The following MYO9A variants were observed in gnomAD, a reference collection of about 807,000 sequenced individuals.
The protein encoded by MYO9A is myosin IXA.
A neutral mutation model predicts 293.3 loss-of-function variants in MYO9A; 103 were observed. That is an observed-to-expected ratio of 0.35 (90% CI 0.30 to 0.41). MYO9A has a LOEUF of 0.41. Among genes scored for constraint, MYO9A ranks in the 10% least tolerant of loss-of-function variants. The pLI, the probability that MYO9A is intolerant of heterozygous loss-of-function variation, is 1.00. For missense variants in MYO9A, 2,685 were observed against 3,033.0 expected (o/e 0.89, Z 2.69); for synonymous variants, 1,001 against 1,035.7 (o/e 0.97, Z 0.64).
intron 32 of MYO9A, among the ~76,000 whole-genome samples, chr15:71,863,197 G>A (rs996959186): frequency 2.6e-5 from 4 of 151,824 alleles, no homozygotes; most frequent in Non-Finnish European, 4.4e-5. Flanking sequence ...GACTCCCAAA[G>A]TGCTGGGATT....
chr15:72,082,249 G>A (rs1216827616), intron 1 of MYO9A, among the ~76,000 whole-genome samples: 1 of 151,990 alleles, frequency 6.6e-6, no homozygotes, highest in African/African-American at 2.4e-5. Context: ...CCCCTCCCTG[G>A]TTAGCTGTAT....
At chr15:71,850,760 T>G in intron 37 of MYO9A, among the ~76,000 whole-genome samples, 2 of 70,712 alleles carry the variant, frequency 2.8e-5, no homozygotes, top group Admixed American at 2.1e-4. Flanking sequence ...ACTGAAACTG[T>G]GTCTCAAAAA....
Position 72,046,613 on chromosome 15 carries a change from A to T in MYO9A, c.-50T>A, listed in dbSNP as rs948658047. 6 of 1,463,468 alleles carry T rather than the reference A, an allele frequency of 4.1e-6. No individual in the cohort carries two copies. 90.7% of individuals were successfully genotyped at this position (1,463,468 alleles called of 1,614,324 possible). A position where few individuals can be genotyped will look rare whatever the true frequency, so the allele number is the denominator to read the frequency against. ...GATAGTATATGTTCAAAGTCGTGCA[A>T]ACCATTTTCTTGGTAAAATAACTGT... On this transcript the variant is annotated 5_prime_UTR_variant, in exon 2 of 42. The change creates a new upstream start codon in the 5' untranslated region. Coordinates refer to ENST00000356056, the MANE Select transcript of MYO9A (RefSeq NM_006901.4).
chr15:72,060,175 T>G (rs1335253720), intron 1 of MYO9A, among the ~76,000 whole-genome samples: 1 of 152,144 alleles, frequency 6.6e-6, no homozygotes, highest in African/African-American at 2.4e-5. Context: ...ATTTATTTAT[T>G]TATTACTAGA....
chr15:72,024,423 G>A (rs762050132), intron 4 of MYO9A, among the ~76,000 whole-genome samples: 1 of 152,092 alleles, frequency 6.6e-6, no homozygotes, highest in Non-Finnish European at 1.5e-5. Context: ...TGGGACTACA[G>A]GCGTGCATCA....
chr15:71,994,521 A>G lies in MYO9A; in HGVS notation c.1535T>C (p.Phe512Ser). 6.2e-7 allele frequency: 1 copy of G among 1,612,104 alleles called. No homozygotes were observed. ...LYSALFDWIV[F>S]RINHALLNSK... ...ATTCAGAAGTGCATGATTAATTCGA[A>G]AAACTATCCAGTCAAACAGGGCACT... is the stretch of plus-strand genomic sequence containing the variant. The change falls in exon 10 of 42, where the codon TTT becomes TCT. Residue 512 changes from phenylalanine (F) to serine (S), a missense_variant. This residue lies in a region of MYO9A where 289 missense variants were observed against 456.8 expected (regional missense o/e 0.63). Transcript: ENST00000356056.
At chr15:71,968,621 T>C (rs960868201) in intron 12 of MYO9A, among the ~76,000 whole-genome samples, 1 of 152,162 alleles carries the variant, frequency 6.6e-6, no homozygotes, top group Non-Finnish European at 1.5e-5. Flanking sequence ...TCATTGATTG[T>C]ACTGATCAAC....
At chr15:72,008,104 G>A in intron 7 of MYO9A, 152 bp from the exon 8 acceptor site, 1 of 961,756 alleles carries the variant, frequency 1.0e-6, no homozygotes. Flanking sequence ...AAAATTTACT[G>A]AGGGTTTACT....
At position 71,899,774 on chromosome 15, in the gene MYO9A, G is replaced by C; in HGVS notation, c.3383C>G (p.Ala1128Gly). ...TTGGTACCTTTTACTTTCCCTGTAG[G>C]CTTTCCATCTTGCTTGTATGCAAAT... is the stretch of plus-strand genomic sequence containing the variant. Reference protein sequence around the residue: ...AAICIQARWKAYRESKRYQEQ... With the variant: ...AAICIQARWKGYRESKRYQEQ... The change falls in exon 24 of 42, where the codon GCC becomes GGC. Residue 1128 changes from alanine to glycine, a missense_variant. By Grantham distance (60) the Ala-to-Gly change is moderately conservative. Around this residue, in one of 10 missense-constraint regions of MYO9A, gnomAD observed 1,434 missense variants for 1,497.7 expected, o/e 0.96. Coordinates refer to ENST00000356056, the MANE Select transcript of MYO9A (RefSeq NM_006901.4). 6.2e-7 allele frequency: 1 copy of C among 1,614,054 alleles called. No homozygotes were observed. Among genetic ancestry groups the C allele is most frequent in the Non-Finnish European group, 8.5e-7 (1 of 1,180,018 alleles).
chr15:71,895,267 CAA>C (rs2057290860), intron 25 of MYO9A, among the ~76,000 whole-genome samples: 1 of 152,154 alleles, frequency 6.6e-6, no homozygotes, highest in Admixed American at 6.5e-5. Flanking sequence ...CAAAGAGAAA[CAA>C]CAATTAATAG....
At chr15:72,007,161 T>C (rs970384521) in intron 8 of MYO9A, among the ~76,000 whole-genome samples, 5 of 152,198 alleles carry the variant, frequency 3.3e-5, no homozygotes, top group African/African-American at 1.2e-4. Context: ...CAGGTTAGTA[T>C]ATACACACAT....
At chr15:72,043,423 A>G (rs998339978) in intron 2 of MYO9A, among the ~76,000 whole-genome samples, 3 of 152,214 alleles carry the variant, frequency 2.0e-5, no homozygotes, top group African/African-American at 7.2e-5. Flanking sequence ...ATAGCCAAAA[A>G]TTAAAAACAA....
At chr15:71,864,378 G>C (rs1161068308) in intron 32 of MYO9A, among the ~76,000 whole-genome samples, 1 of 152,204 alleles carries the variant, frequency 6.6e-6, no homozygotes, top group Admixed American at 6.5e-5. Flanking sequence ...AGGTACTGCA[G>C]GTGGGATTGT....
At chr15:71,927,660 C>A (rs2058348762) in intron 18 of MYO9A, among the ~76,000 whole-genome samples, 1 of 151,936 alleles carries the variant, frequency 6.6e-6, no homozygotes, top group Admixed American at 6.6e-5. Context: ...GATGTAGATC[C>A]CCCTGATATG....
chr15:71,955,039 C>CA (rs2059146416), intron 14 of MYO9A, among the ~76,000 whole-genome samples: 1 of 152,176 alleles, frequency 6.6e-6, no homozygotes, highest in Non-Finnish European at 1.5e-5. Flanking sequence ...ATCACCCCCC[C>CA]AAGTTATTTT....
At chr15:71,915,609 T>C (rs1335745561) in intron 19 of MYO9A, among the ~76,000 whole-genome samples, 3 of 152,110 alleles carry the variant, frequency 2.0e-5, no homozygotes, top group Admixed American at 6.5e-5. Flanking sequence ...ATAGCTTATG[T>C]TCAAACATCC....
In MYO9A at chr15:71,899,976, G is replaced by C. The variant is rs761211573; in HGVS notation, c.3181C>G (p.Gln1061Glu). The stretch of plus-strand genomic sequence containing the variant: ...TTCTGCACAGCTGCATCTCTGACTT[G>C]CTTCTGATTTAGGTAATTCCTCCAG... ...RFWRNYLNQKQVRDAAVQKDA... is the reference protein window; with the variant it reads ...RFWRNYLNQKEVRDAAVQKDA... Residue 1061 changes from glutamine (Q) to glutamate (E), a missense_variant, in exon 24 of 42, where the codon CAA becomes GAA. By Grantham distance (29) the Gln-to-Glu change is conservative (BLOSUM62 2). This residue lies in a region of MYO9A where 1,434 missense variants were observed against 1,497.7 expected (regional missense o/e 0.96). Coordinates refer to ENST00000356056, the MANE Select transcript of MYO9A (RefSeq NM_006901.4). 6.2e-7 allele frequency: 1 copy of C among 1,611,662 alleles called. No homozygotes were observed. The highest frequency in any genetic ancestry group is 8.5e-7 in the Non-Finnish European group (1 of 1,178,126).
At chr15:72,056,058 T>A (rs2078709132) in intron 1 of MYO9A, among the ~76,000 whole-genome samples, 1 of 152,034 alleles carries the variant, frequency 6.6e-6, no homozygotes, top group African/African-American at 2.4e-5. Context: ...CGAAACCCCA[T>A]CCCTAATAAA....
rs946881820 is a variant in MYO9A at position 71,826,301 on chromosome 15, A to C, written c.*279T>G. ...AGGGAAAAGAGGGTGGGGGAGAGGC[A>C]ACTACAACTGACCCAAATCCCCAGG... On this transcript the variant is annotated 3_prime_UTR_variant, in exon 42 of 42. Transcript: ENST00000356056. The C allele has an allele frequency of 2.8e-6, 1 of 357,970 alleles. No homozygotes were observed. Among genetic ancestry groups the C allele is most frequent in the African/African-American group, 2.1e-5 (1 of 47,714 alleles). The allele number at this position is 357,970 out of a possible 1,614,324, so 22.2% of individuals were successfully genotyped here. A position where few individuals can be genotyped will look rare whatever the true frequency, so the allele number is the denominator to read the frequency against.
Sources: allele counts gnomAD v4.1 joint callset (sites outside exome capture counted in the v4.1 genomes callset), GRCh38; gene constraint gnomAD v4.1.1; regional missense constraint gnomAD v4.1.1; transcripts MANE v1.5; gene names NCBI Gene and HGNC (gene_info 2026-07-23, HGNC 2026-07-21).